C9orf153: variants seen among roughly 807,000 people sequenced by gnomAD.
C9orf153 encodes chromosome 9 open reading frame 153, also known as uncharacterized protein C9orf153.
In C9orf153, 10 loss-of-function variants were observed where a neutral mutation model predicts 9.0. That is an observed-to-expected ratio of 1.11 (90% CI 0.69 to 1.89). The LOEUF is 1.89. Ranked by LOEUF, C9orf153 falls within the 40% of genes most tolerant of loss-of-function variation. The pLI is 0.00. For missense variants in C9orf153, 108 were observed against 111.0 expected (o/e 0.97, Z 0.12); for synonymous variants, 35 against 37.3 (o/e 0.94, Z 0.23).
intron 1 of C9orf153, among the ~76,000 whole-genome samples, chr9:86,230,715 C>T (rs1221291745): frequency 1.3e-5 from 2 of 152,130 alleles, no homozygotes; most frequent in Admixed American, 6.6e-5. Context: ...GGAAAAGGCT[C>T]ATATGTAATG....
chr9:86,241,669 C>CAGG (rs1824748043), intron 1 of C9orf153, among the ~76,000 whole-genome samples: 2 of 152,116 alleles, frequency 1.3e-5, no homozygotes. Context: ...CTCTGTCGTC[C>CAGG]AGGCTGGAAT....
chr9:86,232,887 C>T (rs186507775), intron 1 of C9orf153, among the ~76,000 whole-genome samples: 1 of 152,026 alleles, frequency 6.6e-6, no homozygotes, highest in African/African-American at 2.4e-5. Context: ...CAAGCGCCAC[C>T]ACACCCGGCT....
chr9:86,226,478 C>T (rs1824335412), intron 3 of C9orf153, among the ~76,000 whole-genome samples: 1 of 152,068 alleles, frequency 6.6e-6, no homozygotes, highest in Admixed American at 6.6e-5. Flanking sequence ...CATGCTACCA[C>T]ACCTGGCTAA....
Position 86,227,911 on chromosome 9 carries a change from A to G in C9orf153, c.186T>C (p.Asn62=). 1 of 1,613,886 alleles carries G rather than the reference A, an allele frequency of 6.2e-7. No homozygotes were observed. Among genetic ancestry groups the G allele is most frequent in the South Asian group, 1.1e-5 (1 of 91,058 alleles). Residue 62 remains asparagine, a synonymous_variant, in exon 3 of 4, where the codon AAT becomes AAC. Transcript: ENST00000339137. ...CAGCGCCCCTGGTGAATGACATGAC[A>G]TTCAGGTTTCTAGCAAGTACTTCCT... is the stretch of plus-strand genomic sequence containing the variant. ...EAQEVLARNL[N]VMSFTRGADV... is the part of the protein sequence containing the mutation.
At position 86,257,888 on chromosome 9, in the gene C9orf153, G is replaced by A. The variant is rs368183983; in HGVS notation, c.-27+1662C>T. Among the ~76,000 whole-genome samples, 16 of 152,292 alleles carry A rather than the reference G, an allele frequency of 1.1e-4. No homozygotes were observed. The South Asian group carries it at 1.9e-3, about 18-fold the overall frequency. ...AGTGTCCTGTCACGATGGCTTCAGG[G>A]AATGAGCGGTGTGGGCAGCTCAAAC... On this transcript the variant is annotated intron_variant, in intron 1 of 3. Coordinates refer to ENST00000339137, the MANE Select transcript of C9orf153 (RefSeq NM_001276366.4).
intron 1 of C9orf153, among the ~76,000 whole-genome samples, chr9:86,243,929 G>C (rs1824805950): frequency 6.6e-6 from 1 of 152,180 alleles, no homozygotes; most frequent in Non-Finnish European, 1.5e-5. Flanking sequence ...GTTGGACATA[G>C]CTGTTCATAA....
At chr9:86,230,739 C>A (rs1442135955) in intron 1 of C9orf153, among the ~76,000 whole-genome samples, 1 of 152,144 alleles carries the variant, frequency 6.6e-6, no homozygotes, top group East Asian at 1.9e-4. Flanking sequence ...ATAATAAAAA[C>A]AATAAATATT....
At chr9:86,255,838 T>G (rs1722043191) in intron 1 of C9orf153, among the ~76,000 whole-genome samples, 1 of 152,226 alleles carries the variant, frequency 6.6e-6, no homozygotes, top group African/African-American at 2.4e-5. Context: ...AGGACATTTT[T>G]CCCTTGGCTC....
chr9:86,229,811 T>A (rs1030181886), intron 1 of C9orf153, among the ~76,000 whole-genome samples, 182 bp from the exon 2 acceptor site: 1 of 152,134 alleles, frequency 6.6e-6, no homozygotes, highest in South Asian at 2.1e-4. Flanking sequence ...GGGTAATTTA[T>A]AAGAAAATAG....
At position 86,221,704 on chromosome 9, in the gene C9orf153, C is replaced by T; in HGVS notation, c.272G>A (p.Gly91Glu). Residue 91 changes from glycine to glutamate, a missense_variant, in exon 4 of 4, where the codon GGA (glycine) becomes GAA (glutamate). By Grantham distance (98) the Gly-to-Glu change is moderately conservative. Transcript: ENST00000339137. ...GCAAGCCCCTTAAAATATCTCCATT[C>T]CAGATCCCTTAGATTCATGAATTGT... ...RKTIHESKGS[G>E]MEIF 6.5e-7 allele frequency: 1 copy of T among 1,549,298 alleles called. No individual in the cohort carries two copies. Among genetic ancestry groups the T allele is most frequent in the African/African-American group, 1.4e-5 (1 of 73,054 alleles).
rs557593294 is a variant in C9orf153, at chr9:86,221,092, T to C, written c.*596A>G. 5.3e-5 allele frequency: 8 copies of C among 152,354 alleles called. No homozygotes were observed. The highest frequency in any genetic ancestry group is 1.9e-4 in the East Asian group (1 of 5,180). 9.4% of individuals were successfully genotyped at this position (152,354 alleles called of 1,614,324 possible). A position where few individuals can be genotyped will look rare whatever the true frequency, so the allele number is the denominator to read the frequency against. On this transcript the variant is annotated 3_prime_UTR_variant, in exon 4 of 4. Coordinates refer to ENST00000339137, the MANE Select transcript of C9orf153 (RefSeq NM_001276366.4). ...TCCTTCTTTGTCACTGGACAGTTAA[T>C]AGATTATATTTAAGTTCTCATATTG...
chr9:86,249,725 ATAG>A (rs1824953578), intron 1 of C9orf153, among the ~76,000 whole-genome samples: 1 of 151,980 alleles, frequency 6.6e-6, no homozygotes, highest in Admixed American at 6.6e-5. Flanking sequence ...ATTTTTCTTT[ATAG>A]TAAAGATAGG....
intron 1 of C9orf153, among the ~76,000 whole-genome samples, chr9:86,258,840 C>CT (rs201510058): frequency 0.021 from 3,109 of 150,002 alleles, 40 homozygotes; most frequent in Middle Eastern, 0.034. Context: ...CAGCTTTCCC[C>CT]TTTTTTTTTT....
At chr9:86,239,057 T>C (rs1824668422) in intron 1 of C9orf153, among the ~76,000 whole-genome samples, 1 of 151,938 alleles carries the variant, frequency 6.6e-6, no homozygotes, top group South Asian at 2.1e-4. Context: ...GTCAGGAGAT[T>C]GAGACCATCC....
At chr9:86,222,719 A>G (rs1467737098) in intron 3 of C9orf153, among the ~76,000 whole-genome samples, 1 of 152,178 alleles carries the variant, frequency 6.6e-6, no homozygotes, top group Non-Finnish European at 1.5e-5. Context: ...AATCAAGGCT[A>G]AAGGCATGGG....
At chr9:86,247,724 CAAATGT>C (rs766135564) in intron 1 of C9orf153, among the ~76,000 whole-genome samples, 97 of 152,110 alleles carry the variant, frequency 6.4e-4, no homozygotes, top group Non-Finnish European at 7.4e-4. Context: ...ATTTTTATCC[CAAATGT>C]TCCTTTTCAT....
Position 86,227,860 on chromosome 9 carries a change from A to G in C9orf153, c.237T>C (p.Val79=). Residue 79 remains valine (V), a synonymous_variant, in exon 3 of 4, where the codon GTT becomes GTC. Coordinates refer to ENST00000339137, the MANE Select transcript of C9orf153 (RefSeq NM_001276366.4). ...CTTTTTTAACCACTGTGCACCTGAT[A>G]ACAGGTTGGAGATCTCCTCTCACAT... ...GADVRGDLQP[V]IRKTIHESKG... 1 of 1,610,344 alleles carries G rather than the reference A, an allele frequency of 6.2e-7. No homozygotes were observed. Among genetic ancestry groups the G allele is most frequent in the East Asian group, 2.2e-5 (1 of 44,796 alleles).
At chr9:86,223,579 G>A (rs79852588) in intron 3 of C9orf153, among the ~76,000 whole-genome samples, 8,937 of 152,228 alleles carry the variant, frequency 0.059, 869 homozygotes, top group African/African-American at 0.2. Context: ...TATAGAGGGG[G>A]GAGCTAAGAA....
intron 1 of C9orf153, among the ~76,000 whole-genome samples, chr9:86,237,886 C>T (rs1037990646): frequency 1.3e-5 from 2 of 152,100 alleles, no homozygotes; most frequent in African/African-American, 2.4e-5. Flanking sequence ...CGAGATCAGC[C>T]TGGCCAACAT....
Sources: gnomAD v4.1 joint callset for allele counts (sites outside exome capture counted in the v4.1 genomes callset) on GRCh38, gnomAD v4.1.1 for gene constraint, MANE v1.5 for transcripts, NCBI Gene and HGNC (gene_info 2026-07-23, HGNC 2026-07-21) for gene names.